The following KIRREL3 variants were observed in gnomAD, a reference collection of about 807,000 sequenced individuals.
KIRREL3 encodes the protein kin of IRRE-like protein 3.
Under a neutral mutation model 89.7 loss-of-function variants are expected in KIRREL3, and 36 were observed. That is an observed-to-expected ratio of 0.40 (90% CI 0.31 to 0.53). KIRREL3 has a LOEUF of 0.53. Among genes scored for constraint, KIRREL3 ranks in the 20% least tolerant of loss-of-function variants. KIRREL3 has a pLI of 0.49. For missense variants in KIRREL3, 864 were observed against 1,056.6 expected, an observed-to-expected ratio of 0.82 and a Z score of 2.53; for synonymous variants, 445 against 441.4, an observed-to-expected ratio of 1.01 and a Z score of -0.10.
rs77003288 is a variant in KIRREL3 at position 126,440,150 on chromosome 11, T to C, written c.1353+299A>G. 8.1e-6 allele frequency: 5 copies of C among 616,304 alleles called. No homozygotes were observed. In the African/African-American group the frequency reaches 9.1e-5, roughly 11 times the overall value. The allele number at this position is 616,304 out of a possible 1,614,324, so 38.2% of individuals were successfully genotyped here. The stretch of plus-strand genomic sequence containing the variant: ...GGAAGAGAAGAAGTCACTTGTCTTT[T>C]CTCTCCACTACCCTCGTGTGCCCCT... On this transcript the variant is annotated intron_variant, in intron 11 of 16. Coordinates refer to ENST00000525144, the MANE Select transcript of KIRREL3 (RefSeq NM_032531.4).
intron 1 of KIRREL3, among the ~76,000 whole-genome samples, chr11:126,757,620 T>C (rs1201675602): frequency 2.0e-5 from 3 of 152,196 alleles, no homozygotes; most frequent in Non-Finnish European, 4.4e-5. Context: ...TTTTGAATCC[T>C]TGATCTGGTG....
chr11:126,929,298 T>C (rs1374624856), intron 1 of KIRREL3, among the ~76,000 whole-genome samples: 2 of 151,856 alleles, frequency 1.3e-5, no homozygotes, highest in African/African-American at 2.4e-5. Flanking sequence ...AGGTCCAAAA[T>C]GTAGCTAATG....
In KIRREL3 at chr11:126,973,137, C is replaced by T. The variant is rs570691131; in HGVS notation, c.55+27318G>A. Among the ~76,000 whole-genome samples, 29 of 150,946 alleles carry T rather than the reference C, an allele frequency of 1.9e-4. 1 individual carries two copies. The highest frequency in any genetic ancestry group is 8.4e-4 in the South Asian group (4 of 4,736). The stretch of plus-strand genomic sequence containing the variant: ...AAAAAAAAAGACAGAAATTGAGTCC[C>T]GAGGCCAATCTGCATGAGCATGTTA... On this transcript the variant is annotated intron_variant, in intron 1 of 16. Transcript: ENST00000525144.
intron 7 of KIRREL3, among the ~76,000 whole-genome samples, chr11:126,452,384 G>A (rs1213043214): frequency 6.6e-6 from 1 of 152,230 alleles, no homozygotes; most frequent in Non-Finnish European, 1.5e-5. Context: ...GTCCAGCCCC[G>A]CAGTTCCTTT....
At chr11:126,692,805 A>G (rs970122838) in intron 1 of KIRREL3, among the ~76,000 whole-genome samples, 1 of 152,188 alleles carries the variant, frequency 6.6e-6, no homozygotes, top group East Asian at 1.9e-4. Flanking sequence ...CATAGAAAAA[A>G]CAGAAAGTAG....
chr11:126,570,007 A>C lies in KIRREL3; in HGVS notation c.56-7095T>G, dbSNP rs1940803757. Among the ~76,000 whole-genome samples the C allele has an allele frequency of 2.0e-5, 3 of 152,188 alleles. No individual in the cohort carries two copies. Among genetic ancestry groups the C allele is most frequent in the African/African-American group, 4.8e-5 (2 of 41,454 alleles). ...TATCCCAGGCAATAATAATGCCCAT[A>C]CATCATGCAAAGATCATAATTTTCT... On this transcript the variant is annotated intron_variant, in intron 1 of 16. Transcript: ENST00000525144. The surrounding 1 kb of genome is among the most constrained non-coding windows in gnomAD (Gnocchi z 6.1).
chr11:126,489,158 C>T lies in KIRREL3; in HGVS notation c.434-15692G>A, dbSNP rs369207005. ...GACCTCAGCATGGGGCTGAGCAGGA[C>T]GGAAGCTGTAGATGGATGCGCTGCG... On this transcript the variant is annotated intron_variant, in intron 4 of 16. Coordinates refer to ENST00000525144, the MANE Select transcript of KIRREL3 (RefSeq NM_032531.4). The surrounding 1 kb of genome is among the most constrained non-coding windows in gnomAD (Gnocchi z 5.5). Among the ~76,000 whole-genome samples the T allele has an allele frequency of 2.0e-5, 3 of 152,284 alleles. No individual in the cohort carries two copies. The highest frequency in any genetic ancestry group is 3.4e-3 in the Middle Eastern group (1 of 294).
intron 4 of KIRREL3, among the ~76,000 whole-genome samples, chr11:126,482,842 A>G (rs1456416601): frequency 6.6e-6 from 1 of 152,214 alleles, no homozygotes; most frequent in East Asian, 1.9e-4. Flanking sequence ...ATGGGCTGCA[A>G]AGGCACATGT....
rs1205772857 is a variant in KIRREL3 at position 126,908,947 on chromosome 11, AT to A, written c.55+91507del. On this transcript the variant is annotated intron_variant, in intron 1 of 16. Coordinates refer to ENST00000525144, the MANE Select transcript of KIRREL3 (RefSeq NM_032531.4). The surrounding 1 kb of genome is among the most constrained non-coding windows in gnomAD (Gnocchi z 4.2). ...CACTTTAAATATCTAATTACTTATAATACATAATAAAAATATATGCTATGTA... is the reference window on the plus strand; with the variant it reads ...CACTTTAAATATCTAATTACTTATAAACATAATAAAAATATATGCTATGTA... Among the ~76,000 whole-genome samples the A allele has an allele frequency of 2.6e-5, 4 of 152,182 alleles. No individual in the cohort carries two copies. Among genetic ancestry groups the A allele is most frequent in the African/African-American group, 9.7e-5 (4 of 41,432 alleles).
rs67640196 is a variant in KIRREL3, at chr11:126,768,170, AATCC to A, written c.56-205262_56-205259del. Among the ~76,000 whole-genome samples the A allele has an allele frequency of 0.17, 13,254 of 78,494 alleles. 940 individuals are homozygous for A. Among genetic ancestry groups the A allele is most frequent in the Middle Eastern group, 0.24 (36 of 148 alleles). The allele number at this position is 78,494 out of a possible 152,430, so 51.5% of individuals were successfully genotyped here. A position where few individuals can be genotyped will look rare whatever the true frequency, so the allele number is the denominator to read the frequency against. ...CATCCATCCATCCATCCATCCATCC[AATCC>A]ATCCATCCATCCATCCATCCATCCA... On this transcript the variant is annotated intron_variant, in intron 1 of 16. Transcript: ENST00000525144. The surrounding 1 kb of genome is among the most constrained non-coding windows in gnomAD (Gnocchi z 4.5).
At chr11:126,468,379 G>C (rs1046756620) in intron 5 of KIRREL3, among the ~76,000 whole-genome samples, 1 of 152,266 alleles carries the variant, frequency 6.6e-6, no homozygotes, top group African/African-American at 2.4e-5. Context: ...CCCGCTGGGA[G>C]CCTGCAGTGG....
rs1042350340 is a variant in KIRREL3, at chr11:126,985,879, C to T, written c.55+14576G>A. On this transcript the variant is annotated intron_variant, in intron 1 of 16. Coordinates refer to ENST00000525144, the MANE Select transcript of KIRREL3 (RefSeq NM_032531.4). This position sits in a 1 kb window ranked among gnomAD's most constrained non-coding sequence, Gnocchi z 5.3. ...AGTATAAGGCATGTGCCTTCATGACCCCCCTACTGGATGGGAGAGAGTTAA... is the reference window on the plus strand; with the variant it reads ...AGTATAAGGCATGTGCCTTCATGACTCCCCTACTGGATGGGAGAGAGTTAA... Among the ~76,000 whole-genome samples the T allele has an allele frequency of 6.6e-6, 1 of 152,138 alleles. No homozygotes were observed. Among genetic ancestry groups the T allele is most frequent in the African/African-American group, 2.4e-5 (1 of 41,430 alleles).
rs1946311660 is a variant in KIRREL3 at position 126,900,006 on chromosome 11, G to C, written c.55+100449C>G. ...TTAAGCAAATTTGGGATGAGGGGAA[G>C]TAACAAATAGTCATATTAATTGCAT... On this transcript the variant is annotated intron_variant, in intron 1 of 16. Coordinates refer to ENST00000525144, the MANE Select transcript of KIRREL3 (RefSeq NM_032531.4). This position sits in a 1 kb window ranked among gnomAD's most constrained non-coding sequence, Gnocchi z 4.4. Among the ~76,000 whole-genome samples the C allele has an allele frequency of 6.6e-6, 1 of 152,200 alleles. No individual in the cohort carries two copies.
intron 1 of KIRREL3, among the ~76,000 whole-genome samples, chr11:126,585,434 C>T (rs1236635433): frequency 6.6e-6 from 1 of 150,652 alleles, no homozygotes; most frequent in Non-Finnish European, 1.5e-5. Context: ...GGTTTTCAAC[C>T]TGCGGGCCAG....
At chr11:126,560,380 G>A (rs1940028521) in intron 2 of KIRREL3, among the ~76,000 whole-genome samples, 1 of 152,182 alleles carries the variant, frequency 6.6e-6, no homozygotes, top group Non-Finnish European at 1.5e-5. Flanking sequence ...CCCAAATAGA[G>A]CAAACCTCTC....
chr11:126,449,106 C>T lies in KIRREL3; in HGVS notation c.900G>A (p.Arg300=), dbSNP rs1439654650. 1.9e-6 allele frequency: 3 copies of T among 1,613,908 alleles called. No homozygotes were observed. The highest frequency in any genetic ancestry group is 3.3e-5 in the Admixed American group (2 of 60,012). The change falls in exon 8 of 17, where the codon AGG becomes AGA. Residue 300 remains arginine, a synonymous_variant. Transcript: ENST00000525144. ...AGAAGTACGTGTAGTCCACTGTGGT[C>T]CTGTACACCTCTCCAGATGCCTCCT... ...IIKEASGEVY[R]TTVDYTYFSE...
chr11:126,731,780 G>T (rs10893558), intron 1 of KIRREL3, among the ~76,000 whole-genome samples: 1 of 152,144 alleles, frequency 6.6e-6, no homozygotes, highest in Admixed American at 6.5e-5. Flanking sequence ...AATCACATGT[G>T]GTGGCTGCTG....
chr11:126,505,120 C>A (rs1309172451), intron 4 of KIRREL3, among the ~76,000 whole-genome samples: 1 of 152,210 alleles, frequency 6.6e-6, no homozygotes, highest in African/African-American at 2.4e-5. Flanking sequence ...CTGCTCTCAC[C>A]ATTTCTATTC....
chr11:126,432,647 C>T lies in KIRREL3; in HGVS notation c.1589-1121G>A, dbSNP rs1955179808. Among the ~76,000 whole-genome samples, 1 of 152,094 alleles carries T rather than the reference C, an allele frequency of 6.6e-6. No individual in the cohort carries two copies. On this transcript the variant is annotated intron_variant, in intron 13 of 16. Coordinates refer to ENST00000525144, the MANE Select transcript of KIRREL3 (RefSeq NM_032531.4). The surrounding 1 kb of genome is among the most constrained non-coding windows in gnomAD (Gnocchi z 6.2). ...TGTGAGATCCCCCACATCTCATGTG[C>T]TCGGTACCGCCCAGACTGCTGCTGC...
Sources: allele counts gnomAD v4.1 joint callset (sites outside exome capture counted in the v4.1 genomes callset), GRCh38; gene constraint gnomAD v4.1.1; non-coding constraint Gnocchi (gnomAD v3.1); transcripts MANE v1.5; gene names NCBI Gene and HGNC (gene_info 2026-07-23, HGNC 2026-07-21).